The following CAMTA1 variants were observed in gnomAD, a reference collection of about 807,000 sequenced individuals.
CAMTA1 encodes the protein calmodulin-binding transcription activator 1.
A neutral mutation model predicts 170.9 loss-of-function variants in CAMTA1; 27 were observed. That is an observed-to-expected ratio of 0.16 (90% CI 0.12 to 0.22). CAMTA1 has a LOEUF of 0.22. Ranked by LOEUF, CAMTA1 falls within the 10% of genes least tolerant of loss-of-function variation. The pLI is 1.00. For synonymous variants in CAMTA1, 833 were observed against 891.5 expected (o/e 0.93, Z 1.17); for missense variants, 1,619 against 2,217.2 (o/e 0.73, Z 5.42).
chr1:7,472,857 C>T (rs188456374), intron 6 of CAMTA1, among the ~76,000 whole-genome samples: 6 of 152,310 alleles, frequency 3.9e-5, no homozygotes, highest in African/African-American at 9.6e-5. Flanking sequence ...AGTGGGGACT[C>T]GGGGCGGGGA....
At chr1:6,888,847 A>G (rs762664989) in intron 3 of CAMTA1, among the ~76,000 whole-genome samples, 6 of 152,042 alleles carry the variant, frequency 3.9e-5, no homozygotes, top group Non-Finnish European at 7.4e-5. Context: ...TAAGCAAAGA[A>G]CAGAAACAAA....
chr1:7,493,921 G>A (rs2093782334), intron 6 of CAMTA1, among the ~76,000 whole-genome samples: 1 of 152,114 alleles, frequency 6.6e-6, no homozygotes, highest in Non-Finnish European at 1.5e-5. Context: ...GGGCCATGTG[G>A]CTTCACTCCC....
intron 11 of CAMTA1, among the ~76,000 whole-genome samples, chr1:7,703,609 C>G (rs2096466397): frequency 6.6e-6 from 1 of 152,174 alleles, no homozygotes; most frequent in African/African-American, 2.4e-5. Context: ...AAAAGAGACT[C>G]CGCCCCCAAT....
chr1:7,436,592 C>T (rs1317218841), intron 5 of CAMTA1, among the ~76,000 whole-genome samples: 1 of 152,166 alleles, frequency 6.6e-6, no homozygotes, highest in South Asian at 2.1e-4. Context: ...AGGGGTCCCT[C>T]CTTGCCAGGG....
chr1:6,916,103 G>T lies in CAMTA1; in HGVS notation c.234+90893G>T, dbSNP rs144642395. Among the ~76,000 whole-genome samples the T allele has an allele frequency of 7.1e-3, 1,088 of 152,228 alleles. 15 individuals carry two copies. Among genetic ancestry groups the T allele is most frequent in the African/African-American group, 0.024 (1,007 of 41,536 alleles). On this transcript the variant is annotated intron_variant, in intron 3 of 22. Coordinates refer to ENST00000303635, the MANE Select transcript of CAMTA1 (RefSeq NM_015215.4). ...GAGGCGACCAGGCTGCCAGAGAAGG[G>T]GACGAGAAGGGAGCCAGGGGCATGT...
chr1:7,468,610 G>C (rs1557765306), intron 6 of CAMTA1, among the ~76,000 whole-genome samples: 1 of 152,226 alleles, frequency 6.6e-6, no homozygotes, highest in Non-Finnish European at 1.5e-5. Context: ...CATGCAGTCG[G>C]ACTAGACATA....
At chr1:7,165,903 T>C (rs1292828402) in intron 4 of CAMTA1, among the ~76,000 whole-genome samples, 4 of 152,154 alleles carry the variant, frequency 2.6e-5, no homozygotes, top group Admixed American at 6.5e-5. Context: ...TAGAGAGAGA[T>C]AGGGGTGTGT....
At chr1:7,614,961 A>G (rs2095549571) in intron 6 of CAMTA1, among the ~76,000 whole-genome samples, 1 of 152,116 alleles carries the variant, frequency 6.6e-6, no homozygotes, top group Non-Finnish European at 1.5e-5. Context: ...CAGGTGTTAC[A>G]TTTCCCAACC....
In CAMTA1 at chr1:6,956,518, A is replaced by T. The variant is rs549131148; in HGVS notation, c.234+131308A>T. 4.2e-5 allele frequency among the ~76,000 whole-genome samples: 6 copies of T among 141,868 alleles called. No individual in the cohort carries two copies. The South Asian group carries it at 1.5e-3, about 34-fold the overall frequency. 93.1% of individuals were successfully genotyped at this position (141,868 alleles called of 152,430 possible). On this transcript the variant is annotated intron_variant, in intron 3 of 22. Coordinates refer to ENST00000303635, the MANE Select transcript of CAMTA1 (RefSeq NM_015215.4). Reference sequence around the variant, plus strand: ...TGTGAGATGAAAACATGACTAAATTATGACACTGCTTGTGTAACAATCTCT... The same window carrying T: ...TGTGAGATGAAAACATGACTAAATTTTGACACTGCTTGTGTAACAATCTCT...
intron 4 of CAMTA1, among the ~76,000 whole-genome samples, chr1:7,241,989 A>G (rs890988494): frequency 1.1e-4 from 14 of 124,648 alleles, no homozygotes; most frequent in African/African-American, 4.9e-4. Context: ...TAAAGAAACC[A>G]TCAAGCCATT....
At chr1:7,177,026 A>G (rs12062331) in intron 4 of CAMTA1, among the ~76,000 whole-genome samples, 5,222 of 152,118 alleles carry the variant, frequency 0.034, 302 homozygotes, top group African/African-American at 0.12. Context: ...CTGGCTGGGC[A>G]ATAGACCATG....
intron 4 of CAMTA1, among the ~76,000 whole-genome samples, chr1:7,208,784 A>T (rs762986537): frequency 4.6e-5 from 7 of 152,192 alleles, no homozygotes; most frequent in Admixed American, 6.5e-5. Context: ...CTGAGAGTAA[A>T]CATAGTGGGT....
chr1:7,506,054 C>A (rs2094103484), intron 6 of CAMTA1, among the ~76,000 whole-genome samples: 1 of 152,188 alleles, frequency 6.6e-6, no homozygotes, highest in African/African-American at 2.4e-5. Flanking sequence ...ACGGCCCAGA[C>A]CAGAGGGAAG....
intron 5 of CAMTA1, among the ~76,000 whole-genome samples, chr1:7,392,585 T>C (rs1446373255): frequency 0.02 from 4 of 196 alleles, no homozygotes; most frequent in African/African-American, 0.039. Context: ...TTTTTTTTAA[T>C]TAGCTGGAGG....
chr1:7,142,193 G>C, intron 4 of CAMTA1: 2 of 515,608 alleles, frequency 3.9e-6, no homozygotes, highest in South Asian at 2.8e-5. Flanking sequence ...TGGGCAGAAT[G>C]AATGGCCAAA....
At chr1:7,649,265 C>T (rs549437239) in intron 7 of CAMTA1, among the ~76,000 whole-genome samples, 3 of 152,370 alleles carry the variant, frequency 2.0e-5, no homozygotes, top group African/African-American at 4.8e-5. Flanking sequence ...TGTGTCCCCA[C>T]GGCAGCCCAG....
intron 6 of CAMTA1, among the ~76,000 whole-genome samples, chr1:7,595,208 G>T (rs933173644): frequency 6.6e-6 from 1 of 152,182 alleles, no homozygotes; most frequent in African/African-American, 2.4e-5. Flanking sequence ...TGATCCAAAA[G>T]AGCGCCTGTG....
intron 3 of CAMTA1, among the ~76,000 whole-genome samples, chr1:6,930,114 C>T (rs1478522568): frequency 6.6e-6 from 1 of 152,176 alleles, no homozygotes; most frequent in Admixed American, 6.5e-5. Flanking sequence ...CATGCTCTTC[C>T]TTCTGCCTCC....
At chr1:7,156,202 A>G (rs939134430) in intron 4 of CAMTA1, among the ~76,000 whole-genome samples, 1 of 151,334 alleles carries the variant, frequency 6.6e-6, no homozygotes, top group Non-Finnish European at 1.5e-5. Context: ...TGAACCTGGG[A>G]GACGGAGATT....
Sources: allele counts gnomAD v4.1 joint callset (sites outside exome capture counted in the v4.1 genomes callset), GRCh38; gene constraint gnomAD v4.1.1; transcripts MANE v1.5; gene names NCBI Gene and HGNC (gene_info 2026-07-23, HGNC 2026-07-21).